PPARA: variants seen among roughly 807,000 people sequenced by gnomAD.
PPARA encodes peroxisome proliferator-activated receptor alpha.
In PPARA, 22 loss-of-function variants were observed where a neutral mutation model predicts 42.2. The observed-to-expected ratio is 0.52, with a 90% CI of 0.37 to 0.74. The LOEUF is 0.74. Among genes scored for constraint, PPARA ranks in the 30% least tolerant of loss-of-function variants. The pLI is 0.00. For synonymous variants in PPARA, 242 were observed against 239.3 expected, an observed-to-expected ratio of 1.01 and a Z score of -0.10; for missense variants, 465 against 608.2, an observed-to-expected ratio of 0.76 and a Z score of 2.48.
At chr22:46,166,307 C>G (rs1355330783) in intron 2 of PPARA, among the ~76,000 whole-genome samples, 1 of 152,076 alleles carries the variant, frequency 6.6e-6, no homozygotes, top group East Asian at 1.9e-4. Flanking sequence ...GATAAACCCA[C>G]ATGGCATTTT....
At chr22:46,168,369 A>C (rs1333780877) in intron 2 of PPARA, among the ~76,000 whole-genome samples, 1 of 148,502 alleles carries the variant, frequency 6.7e-6, no homozygotes, top group African/African-American at 2.4e-5. Flanking sequence ...AAAAAAAAAA[A>C]AAAAAAAAAG....
Position 46,219,141 on chromosome 22 carries a change from G to A in PPARA, c.509-671G>A, listed in dbSNP as rs1429704474. Among the ~76,000 whole-genome samples, 4 of 151,834 alleles carry A rather than the reference G, an allele frequency of 2.6e-5. No homozygotes were observed. In the South Asian group the frequency reaches 6.2e-4, roughly 24 times the overall value. On this transcript the variant is annotated intron_variant, in intron 6 of 8. Coordinates refer to ENST00000407236, the MANE Select transcript of PPARA (RefSeq NM_005036.6). The surrounding 1 kb of genome is among the most constrained non-coding windows in gnomAD (Gnocchi z 4.8). ...CGCACCACTGCACTCCAGCCTGGGC[G>A]ACAGAGTGCGACTCCGTCTCAAAAA...
At position 46,209,690 on chromosome 22, in the gene PPARA, A is replaced by G. The variant is rs117429111; in HGVS notation, c.209-5483A>G. On this transcript the variant is annotated intron_variant, in intron 4 of 8. Transcript: ENST00000407236. Reference sequence around the variant, plus strand: ...GTTTTCACCCATGTATCTATATAACATGTCCAGTCTTTCACTCAGCTTCTT... The same window carrying G: ...GTTTTCACCCATGTATCTATATAACGTGTCCAGTCTTTCACTCAGCTTCTT... Among the ~76,000 whole-genome samples, 324 of 152,312 alleles carry G rather than the reference A, an allele frequency of 2.1e-3. 2 individuals are homozygous for G. In the East Asian group the frequency reaches 0.032, roughly 15 times the overall value.
chr22:46,222,408 A>G lies in PPARA; in HGVS notation c.711+2394A>G, dbSNP rs1338938659. ...ATCCTTATTGGGAATTACAAGGTGG[A>G]ATTTTAGTCACAGGAAAATAAAGCA... On this transcript the variant is annotated intron_variant, in intron 7 of 8. Transcript: ENST00000407236. The surrounding 1 kb of genome is among the most constrained non-coding windows in gnomAD (Gnocchi z 5.9). 1.3e-5 allele frequency among the ~76,000 whole-genome samples: 2 copies of G among 152,246 alleles called. No individual in the cohort carries two copies. The highest frequency in any genetic ancestry group is 2.9e-5 in the Non-Finnish European group (2 of 68,046).
intron 5 of PPARA, among the ~76,000 whole-genome samples, chr22:46,215,973 C>T (rs1445544820): frequency 1.3e-5 from 2 of 152,128 alleles, no homozygotes; most frequent in African/African-American, 4.8e-5. Context: ...AATTGTCTTC[C>T]ATGAAACCGG....
Position 46,232,682 on chromosome 22 carries a change from TA to T in PPARA, c.1159+444del. 6.6e-6 allele frequency among the ~76,000 whole-genome samples: 1 copy of T among 150,748 alleles called. No individual in the cohort carries two copies. The highest frequency in any genetic ancestry group is 3.5e-3 in the Middle Eastern group (1 of 288). ...AAAAAAATTATATATTTTGCACAAA[TA>T]TATATATAGAGAAAAAGAGGTCGGA... On this transcript the variant is annotated intron_variant, in intron 8 of 8. Coordinates refer to ENST00000407236, the MANE Select transcript of PPARA (RefSeq NM_005036.6). The surrounding 1 kb of genome is among the most constrained non-coding windows in gnomAD (Gnocchi z 5.3).
rs1930199813 is a variant in PPARA at position 46,183,135 on chromosome 22, C to T, written c.-43+6299C>T. Among the ~76,000 whole-genome samples the T allele has an allele frequency of 6.6e-6, 1 of 152,220 alleles. No individual in the cohort carries two copies. The highest frequency in any genetic ancestry group is 1.5e-5 in the Non-Finnish European group (1 of 68,044). Reference sequence around the variant, plus strand: ...TCTGAAATCCTCATCTGAGGACCCACACTCGGGTGCCCCAATGTGGCGGTG... The same window carrying T: ...TCTGAAATCCTCATCTGAGGACCCATACTCGGGTGCCCCAATGTGGCGGTG... On this transcript the variant is annotated intron_variant, in intron 3 of 8. Transcript: ENST00000407236. The surrounding 1 kb of genome is among the most constrained non-coding windows in gnomAD (Gnocchi z 5.5).
In PPARA at chr22:46,237,143, C is replaced by A. The variant is rs1936242634; in HGVS notation, c.*1763C>A. Reference sequence around the variant, plus strand: ...TTAGAAAATTTGGCTCTTCTGAGGTCATTATTATTTTAAGAATGATTAGGA... The same window carrying A: ...TTAGAAAATTTGGCTCTTCTGAGGTAATTATTATTTTAAGAATGATTAGGA... On this transcript the variant is annotated 3_prime_UTR_variant, in exon 9 of 9. Transcript: ENST00000407236. This position sits in a 1 kb window ranked among gnomAD's most constrained non-coding sequence, Gnocchi z 6.7. 2 of 152,000 alleles carry A rather than the reference C, an allele frequency of 1.3e-5. No individual in the cohort carries two copies. The highest frequency in any genetic ancestry group is 2.9e-5 in the Non-Finnish European group (2 of 68,014). The allele number at this position is 152,000 out of a possible 1,614,324, so 9.4% of individuals were successfully genotyped here. A position where few individuals can be genotyped will look rare whatever the true frequency, so the allele number is the denominator to read the frequency against.
In PPARA at chr22:46,211,167, G is replaced by A. The variant is rs1177601585; in HGVS notation, c.209-4006G>A. Among the ~76,000 whole-genome samples, 3 of 152,094 alleles carry A rather than the reference G, an allele frequency of 2.0e-5. No individual in the cohort carries two copies. The highest frequency in any genetic ancestry group is 7.2e-5 in the African/African-American group (3 of 41,408). On this transcript the variant is annotated intron_variant, in intron 4 of 8. Coordinates refer to ENST00000407236, the MANE Select transcript of PPARA (RefSeq NM_005036.6). The surrounding 1 kb of genome is among the most constrained non-coding windows in gnomAD (Gnocchi z 4.1). The stretch of plus-strand genomic sequence containing the variant: ...ACCTATGTCTATACAGGAATCTATC[G>A]GTATTTCTGTCTGTGGCCATCTGTA...
chr22:46,220,174 C>A, intron 7 of PPARA, 160 bp downstream of exon 7: 1 of 879,116 alleles, frequency 1.1e-6, no homozygotes, highest in Non-Finnish European at 1.8e-6. Flanking sequence ...AGACTCTGAG[C>A]TGTAGCTTAA....
chr22:46,172,723 G>A (rs771705217), intron 2 of PPARA, among the ~76,000 whole-genome samples: 4 of 152,168 alleles, frequency 2.6e-5, no homozygotes, highest in Non-Finnish European at 4.4e-5. Context: ...AGGTCACATC[G>A]GGACCTGTTG....
At chr22:46,215,961 A>G (rs1934446860) in intron 5 of PPARA, among the ~76,000 whole-genome samples, 1 of 152,162 alleles carries the variant, frequency 6.6e-6, no homozygotes, top group East Asian at 1.9e-4. Context: ...CATCTGTGGA[A>G]AAATTGTCTT....
At chr22:46,228,987 G>T (rs904406447) in intron 7 of PPARA, among the ~76,000 whole-genome samples, 3 of 151,458 alleles carry the variant, frequency 2.0e-5, no homozygotes, top group Admixed American at 6.6e-5. Flanking sequence ...GGCGCCTGTA[G>T]TCCCAGCTAC....
At chr22:46,199,208 C>T (rs908459729) in intron 4 of PPARA, among the ~76,000 whole-genome samples, 2 of 151,970 alleles carry the variant, frequency 1.3e-5, no homozygotes, top group African/African-American at 4.8e-5. Context: ...TAAGAGGAGA[C>T]GTGTGCAAGG....
rs999210102 is a variant in PPARA, at chr22:46,212,249, G to T, written c.209-2924G>T. On this transcript the variant is annotated intron_variant, in intron 4 of 8. Coordinates refer to ENST00000407236, the MANE Select transcript of PPARA (RefSeq NM_005036.6). This position sits in a 1 kb window ranked among gnomAD's most constrained non-coding sequence, Gnocchi z 4.2. ...TTTTTGTATTTTTTGTAAAGATAGG[G>T]TTTCACCATGTTGCCCAGGCTGGTC... 3.3e-5 allele frequency among the ~76,000 whole-genome samples: 5 copies of T among 151,646 alleles called. No individual in the cohort carries two copies.
chr22:46,235,267 G>A lies in PPARA; in HGVS notation c.1294G>A (p.Asp432Asn), dbSNP rs780042321. Reference sequence around the variant, plus strand: ...CCCAAAACTTCTTCAAAAAATGGCAGACCTCCGGCAGCTGGTGACGGAGCA... The same window carrying A: ...CCCAAAACTTCTTCAAAAAATGGCAAACCTCCGGCAGCTGGTGACGGAGCA... ...LFPKLLQKMA[D>N]LRQLVTEHAQ... Residue 432 changes from aspartate (D) to asparagine (N), a missense_variant, in exon 9 of 9, where the codon GAC becomes AAC. Physicochemically the swap from Asp to Asn is conservative, Grantham distance 23 (BLOSUM62 1). Around this residue, in one of 2 missense-constraint regions of PPARA, gnomAD observed 313 missense variants for 469.1 expected, o/e 0.67. Coordinates refer to ENST00000407236, the MANE Select transcript of PPARA (RefSeq NM_005036.6). This position sits in a 1 kb window ranked among gnomAD's most constrained non-coding sequence, Gnocchi z 7.0. The A allele has an allele frequency of 6.2e-7, 1 of 1,614,082 alleles. No homozygotes were observed. The highest frequency in any genetic ancestry group is 8.5e-7 in the Non-Finnish European group (1 of 1,180,034).
At chr22:46,205,266 G>C (rs1433118881) in intron 4 of PPARA, among the ~76,000 whole-genome samples, 10 of 151,362 alleles carry the variant, frequency 6.6e-5, no homozygotes, top group Non-Finnish European at 1.2e-4. Context: ...GCCCAGGCTG[G>C]AGTTCAGTGG....
At position 46,185,894 on chromosome 22, in the gene PPARA, C is replaced by CAAAAAAAAAAAAA. The variant is rs1279499029; in HGVS notation, c.-43+9058_-43+9059insAAAAAAAAAAAAA. Among the ~76,000 whole-genome samples the CAAAAAAAAAAAAA allele has an allele frequency of 3.7e-3, 78 of 20,820 alleles. 12 individuals are homozygous for CAAAAAAAAAAAAA. The highest frequency in any genetic ancestry group is 5.4e-3 in the East Asian group (2 of 372). 13.7% of individuals were successfully genotyped at this position (20,820 alleles called of 152,430 possible). ...TGGGTGACAAAGTGAGACTCCGTCT[C>CAAAAAAAAAAAAA]CAAAAAAAAAAAAAAAAAAAAAATA... On this transcript the variant is annotated intron_variant, in intron 3 of 8. Coordinates refer to ENST00000407236, the MANE Select transcript of PPARA (RefSeq NM_005036.6).
rs747058496 is a variant in PPARA at position 46,218,349 on chromosome 22, A to T, written c.456A>T (p.Lys152Asn). ...SCKIQKKNRN[K>N]CQYCRFHKCL... ...AGATCCAGAAAAAGAACAGAAACAA[A>T]TGCCAGTATTGTCGATTTCACAAGT... Residue 152 changes from lysine to asparagine, a missense_variant, in exon 6 of 9, where the codon AAA (lysine) becomes AAT (asparagine). Physicochemically the swap from Lys to Asn is moderately conservative, Grantham distance 94. Coordinates refer to ENST00000407236, the MANE Select transcript of PPARA (RefSeq NM_005036.6). 6.2e-7 allele frequency: 1 copy of T among 1,613,962 alleles called. No individual in the cohort carries two copies. The highest frequency in any genetic ancestry group is 2.2e-5 in the East Asian group (1 of 44,894).
Sources: gnomAD v4.1 joint callset for allele counts (sites outside exome capture counted in the v4.1 genomes callset) on GRCh38, gnomAD v4.1.1 for gene constraint, gnomAD v4.1.1 regional missense constraint, Gnocchi (gnomAD v3.1) non-coding constraint, MANE v1.5 for transcripts, NCBI Gene and HGNC (gene_info 2026-07-23, HGNC 2026-07-21) for gene names.